RBFOX1: variants seen among roughly 807,000 people sequenced by gnomAD.
RBFOX1 encodes the protein RNA binding protein fox-1 homolog 1.
In RBFOX1, 8 loss-of-function variants were observed where a neutral mutation model predicts 57.7. The ratio of observed to expected loss-of-function variants is 0.14; its 90% CI spans 0.08 to 0.25. The LOEUF (loss-of-function observed/expected upper bound fraction) is 0.25. RBFOX1 is among the 10% of genes least tolerant of loss of function. RBFOX1 has a pLI of 1.00. For missense variants in RBFOX1, 611 were observed against 548.5 expected (o/e 1.11, Z -1.14); for synonymous variants, 326 against 222.4 (o/e 1.47, Z -4.15).
chr16:6,910,985 G>C (rs928248632), intron 3 of RBFOX1, among the ~76,000 whole-genome samples: 3 of 152,090 alleles, frequency 2.0e-5, no homozygotes, highest in African/African-American at 7.2e-5. Context: ...CGGATCACTT[G>C]AGGTCAGGAG....
chr16:7,480,391 G>C (rs1197236472), intron 4 of RBFOX1, among the ~76,000 whole-genome samples: 1 of 152,174 alleles, frequency 6.6e-6, no homozygotes, highest in East Asian at 1.9e-4. Flanking sequence ...ATAACACCTA[G>C]TATATAGTAG....
At chr16:7,677,148 C>CAT (rs2073558260) in intron 14 of RBFOX1, among the ~76,000 whole-genome samples, 1 of 151,634 alleles carries the variant, frequency 6.6e-6, no homozygotes, top group African/African-American at 2.4e-5. Flanking sequence ...CACACACACA[C>CAT]ACACACACAC....
intron 2 of RBFOX1, among the ~76,000 whole-genome samples, chr16:6,648,376 C>T (rs1240171365): frequency 7.0e-6 from 1 of 143,158 alleles, no homozygotes; most frequent in Non-Finnish European, 1.5e-5. Context: ...GGGCATCGTA[C>T]TTGCTGGGGT....
chr16:6,141,350 A>C (rs1250943843), intron 1 of RBFOX1, among the ~76,000 whole-genome samples: 1 of 152,120 alleles, frequency 6.6e-6, no homozygotes, highest in African/African-American at 2.4e-5. Context: ...CCTTTCTTTC[A>C]GATCTCTGGG....
chr16:7,002,812 A>T (rs975968416), intron 3 of RBFOX1, among the ~76,000 whole-genome samples: 1 of 152,196 alleles, frequency 6.6e-6, no homozygotes, highest in Admixed American at 6.5e-5. Flanking sequence ...GTTGTGGTAG[A>T]TGCTATATAA....
intron 11 of RBFOX1, among the ~76,000 whole-genome samples, chr16:7,631,253 T>C (rs1393090544): frequency 6.6e-6 from 1 of 152,204 alleles, no homozygotes; most frequent in African/African-American, 2.4e-5. Context: ...ATTAAATAAC[T>C]GTCTTTTAAA....
At chr16:6,699,802 G>T (rs1319839836) in intron 3 of RBFOX1, among the ~76,000 whole-genome samples, 1 of 152,154 alleles carries the variant, frequency 6.6e-6, no homozygotes, top group Admixed American at 6.5e-5. Context: ...CAGGCACGGT[G>T]AAGAAAAACT....
chr16:6,981,345 C>T (rs1045445952), intron 3 of RBFOX1, among the ~76,000 whole-genome samples: 5 of 152,064 alleles, frequency 3.3e-5, no homozygotes, highest in Non-Finnish European at 5.9e-5. Flanking sequence ...TTAGCTCCTA[C>T]TTTACTTTTC....
chr16:7,000,634 C>G (rs1043625719), intron 3 of RBFOX1, among the ~76,000 whole-genome samples: 2 of 118,466 alleles, frequency 1.7e-5, no homozygotes, highest in South Asian at 5.9e-4. Context: ...GAGTCTCGCT[C>G]TCCTCTGTCG....
chr16:6,802,051 C>G (rs993450856), intron 3 of RBFOX1, among the ~76,000 whole-genome samples: 1 of 151,906 alleles, frequency 6.6e-6, no homozygotes, highest in Admixed American at 6.6e-5. Flanking sequence ...TTGTGGAGGC[C>G]TGGGGAGTTT....
At chr16:6,284,528 G>A (rs1301835273) in intron 1 of RBFOX1, among the ~76,000 whole-genome samples, 1 of 152,162 alleles carries the variant, frequency 6.6e-6, no homozygotes, top group Non-Finnish European at 1.5e-5. Context: ...TTCATTTAAT[G>A]CCATTTTTAT....
chr16:6,214,739 G>T (rs1400922903), intron 1 of RBFOX1, among the ~76,000 whole-genome samples: 1 of 124,846 alleles, frequency 8.0e-6, no homozygotes, highest in Non-Finnish European at 1.7e-5. Flanking sequence ...GAGAAGGAGA[G>T]GGAGAAGGAG....
chr16:6,717,691 G>C (rs1011624488), intron 3 of RBFOX1, among the ~76,000 whole-genome samples: 2 of 151,940 alleles, frequency 1.3e-5, no homozygotes, highest in Non-Finnish European at 2.9e-5. Flanking sequence ...TGATAAACCA[G>C]TTGAAAGTGC....
At chr16:5,906,476 T>C (rs547768053) in intron 4 of RBFOX1, among the ~76,000 whole-genome samples, 3 of 152,190 alleles carry the variant, frequency 2.0e-5, no homozygotes, top group African/African-American at 7.2e-5. Context: ...GAACCAAACC[T>C]GCCAACGCCT....
intron 4 of RBFOX1, among the ~76,000 whole-genome samples, chr16:7,156,369 A>C (rs766489060): frequency 3.9e-5 from 6 of 152,022 alleles, no homozygotes; most frequent in African/African-American, 1.4e-4. Flanking sequence ...GCACATATAC[A>C]TATGCGTGTA....
chr16:7,135,987 G>T (rs1259990281), intron 4 of RBFOX1, among the ~76,000 whole-genome samples: 1 of 152,198 alleles, frequency 6.6e-6, no homozygotes, highest in South Asian at 2.1e-4. Flanking sequence ...TTTTGCCTAG[G>T]TGCTCTTCCT....
chr16:6,117,685 C>G (rs146556814), intron 1 of RBFOX1, among the ~76,000 whole-genome samples: 1 of 152,248 alleles, frequency 6.6e-6, no homozygotes, highest in Non-Finnish European at 1.5e-5. Flanking sequence ...ACTTCCCAGC[C>G]TCCAGAACTG....
intron 4 of RBFOX1, among the ~76,000 whole-genome samples, chr16:7,091,922 A>C (rs2060927924): frequency 1.3e-5 from 2 of 152,238 alleles, no homozygotes; most frequent in South Asian, 4.1e-4. Context: ...GTTTAATTTA[A>C]GGTCTTTCAG....
intron 2 of RBFOX1, among the ~76,000 whole-genome samples, chr16:6,545,725 G>T (rs148597505): frequency 2.0e-5 from 3 of 152,290 alleles, no homozygotes; most frequent in Non-Finnish European, 2.9e-5. Flanking sequence ...TTCAAACTAC[G>T]AAGGGCTTAT....
Sources: allele counts gnomAD v4.1 joint callset (sites outside exome capture counted in the v4.1 genomes callset), GRCh38; gene constraint gnomAD v4.1.1; transcripts MANE v1.5; gene names NCBI Gene and HGNC (gene_info 2026-07-23, HGNC 2026-07-21).